The following DCC variants were observed in gnomAD, a reference collection of about 807,000 sequenced individuals.
The protein encoded by DCC is netrin receptor DCC.
Under a neutral mutation model 172.5 loss-of-function variants are expected in DCC, and 58 were observed. The ratio of observed to expected loss-of-function variants is 0.34; its 90% CI spans 0.27 to 0.42. The LOEUF is 0.42. Among genes scored for constraint, DCC ranks in the 10% least tolerant of loss-of-function variants. DCC has a pLI of 1.00. For synonymous variants in DCC, 709 were observed against 644.5 expected (o/e 1.10, Z -1.52); for missense variants, 1,740 against 1,791.0 (o/e 0.97, Z 0.51).
At chr18:52,441,997 C>T (rs747036104) in intron 1 of DCC, among the ~76,000 whole-genome samples, 2 of 152,124 alleles carry the variant, frequency 1.3e-5, no homozygotes, top group Non-Finnish European at 2.9e-5. Context: ...AGAGAAGTAG[C>T]TTGTGCCTGA....
chr18:53,128,824 TACACATACACAC>T (rs1460501934), intron 7 of DCC, among the ~76,000 whole-genome samples: 2 of 93,404 alleles, frequency 2.1e-5, no homozygotes, highest in Admixed American at 1.2e-4. Flanking sequence ...TCTATGTGTA[TACACATACACAC>T]ACACACACAC....
At chr18:53,361,343 A>T (rs559579275) in intron 15 of DCC, among the ~76,000 whole-genome samples, 1 of 152,256 alleles carries the variant, frequency 6.6e-6, no homozygotes, top group Admixed American at 6.5e-5. Flanking sequence ...TAGTTGTTGG[A>T]CTTTCCCCCC....
Position 53,117,182 on chromosome 18 carries a change from C to A in DCC, c.1262-40174C>A, listed in dbSNP as rs149160768. ...ATTTGCTTATGTGAGATCATTTAAT[C>A]CATTTCTACATTGGGAGTTATTTTG... On this transcript the variant is annotated intron_variant, in intron 7 of 28. Transcript: ENST00000442544. Among the ~76,000 whole-genome samples, 564 of 151,838 alleles carry A rather than the reference C, an allele frequency of 3.7e-3. 2 individuals are homozygous for A. Among genetic ancestry groups the A allele is most frequent in the African/African-American group, 0.013 (545 of 41,490 alleles).
chr18:52,514,069 T>G (rs369678418), intron 1 of DCC, among the ~76,000 whole-genome samples: 4 of 152,196 alleles, frequency 2.6e-5, no homozygotes, highest in African/African-American at 9.6e-5. Context: ...AAATTTTTCT[T>G]AAGAGTTGCA....
At chr18:53,165,706 C>T (rs1217342571) in intron 8 of DCC, among the ~76,000 whole-genome samples, 1 of 152,136 alleles carries the variant, frequency 6.6e-6, no homozygotes, top group Non-Finnish European at 1.5e-5. Flanking sequence ...CCACAAATGT[C>T]ATATATAAAT....
chr18:52,813,965 A>T (rs1237602865), intron 2 of DCC, among the ~76,000 whole-genome samples: 1 of 152,230 alleles, frequency 6.6e-6, no homozygotes, highest in Admixed American at 6.5e-5. Flanking sequence ...GAAACTACAC[A>T]TAGGCTCTCC....
At chr18:53,505,163 T>C (rs1197405756) in intron 27 of DCC, 2 of 152,188 alleles carry the variant, frequency 1.3e-5, no homozygotes, top group Non-Finnish European at 2.9e-5. Flanking sequence ...GGAGATGTTA[T>C]AGCAAAAGTA....
intron 8 of DCC, among the ~76,000 whole-genome samples, chr18:53,175,578 T>C (rs2055079440): frequency 6.7e-6 from 1 of 149,266 alleles, no homozygotes; most frequent in Non-Finnish European, 1.5e-5. Flanking sequence ...CCATTCACAA[T>C]TGCTTCAAAG....
intron 1 of DCC, among the ~76,000 whole-genome samples, chr18:52,632,901 T>A (rs1478841220): frequency 1.3e-5 from 2 of 152,200 alleles, no homozygotes; most frequent in African/African-American, 4.8e-5. Context: ...TGAGATGAAT[T>A]TCAATTTCAC....
At chr18:53,422,566 G>C (rs1304668868) in intron 21 of DCC, among the ~76,000 whole-genome samples, 1 of 152,134 alleles carries the variant, frequency 6.6e-6, no homozygotes, top group African/African-American at 2.4e-5. Context: ...AAAGGACTTT[G>C]TCTTTCCTTA....
At chr18:53,113,908 A>C (rs1266831480) in intron 7 of DCC, among the ~76,000 whole-genome samples, 1 of 151,328 alleles carries the variant, frequency 6.6e-6, no homozygotes, top group Non-Finnish European at 1.5e-5. Context: ...ATGATGTTTT[A>C]ATTATACCTT....
At chr18:53,527,307 C>G (rs972230972) in intron 28 of DCC, among the ~76,000 whole-genome samples, 2 of 151,488 alleles carry the variant, frequency 1.3e-5, no homozygotes, top group Non-Finnish European at 2.9e-5. Flanking sequence ...CAGCCCTGAA[C>G]TTCTTAGCTC....
chr18:53,018,605 G>T (rs768308220), intron 5 of DCC, among the ~76,000 whole-genome samples: 2 of 151,980 alleles, frequency 1.3e-5, no homozygotes, highest in African/African-American at 2.4e-5. Context: ...AATTCATTTT[G>T]TTTTCTGAAA....
intron 1 of DCC, among the ~76,000 whole-genome samples, chr18:52,749,209 A>G (rs2145127777): frequency 6.6e-6 from 1 of 152,316 alleles, no homozygotes; most frequent in East Asian, 1.9e-4. Flanking sequence ...AAAGAAAAAA[A>G]AAAGAATTAT....
intron 1 of DCC, among the ~76,000 whole-genome samples, chr18:52,373,815 C>T (rs1175287857): frequency 6.6e-6 from 1 of 152,048 alleles, no homozygotes; most frequent in East Asian, 1.9e-4. Context: ...TCCTCTCTCT[C>T]CCTGGATAGA....
chr18:53,052,593 A>C (rs967178946), intron 5 of DCC, among the ~76,000 whole-genome samples: 1 of 152,176 alleles, frequency 6.6e-6, no homozygotes, highest in South Asian at 2.1e-4. Context: ...TGAAGTCTGG[A>C]TGTTTCACGT....
intron 7 of DCC, among the ~76,000 whole-genome samples, chr18:53,150,770 C>G (rs2043985511): frequency 6.6e-6 from 1 of 152,166 alleles, no homozygotes. Context: ...AGCATGAGGT[C>G]TTCCTGGAAT....
chr18:52,585,638 C>T (rs1002754616), intron 1 of DCC, among the ~76,000 whole-genome samples: 1 of 152,152 alleles, frequency 6.6e-6, no homozygotes, highest in African/African-American at 2.4e-5. Flanking sequence ...CTTTGGTGGA[C>T]ATGTATGTCA....
At chr18:52,710,920 G>A (rs2036282211) in intron 1 of DCC, among the ~76,000 whole-genome samples, 1 of 152,192 alleles carries the variant, frequency 6.6e-6, no homozygotes, top group South Asian at 2.1e-4. Flanking sequence ...ATGGTGGAAG[G>A]AGAGGAGACA....
Sources: gnomAD v4.1 joint callset for allele counts (sites outside exome capture counted in the v4.1 genomes callset) on GRCh38, gnomAD v4.1.1 for gene constraint, MANE v1.5 for transcripts, NCBI Gene and HGNC (gene_info 2026-07-23, HGNC 2026-07-21) for gene names.